Variants in DIP2C observed in about 807,000 individuals in gnomAD.
DIP2C encodes disco-interacting protein 2 homolog C.
DIP2C carries 33 observed loss-of-function variants against 192.4 expected under a neutral mutation model. That is an observed-to-expected ratio of 0.17 (90% CI 0.13 to 0.23). The LOEUF (loss-of-function observed/expected upper bound fraction) is 0.23, where lower values mean the gene tolerates loss of function less well. DIP2C is among the 10% of genes least tolerant of loss of function. The pLI, the probability that DIP2C is intolerant of heterozygous loss-of-function variation, is 1.00. For missense variants in DIP2C, 1,537 were observed against 2,110.1 expected, an observed-to-expected ratio of 0.73 and a Z score of 5.32; for synonymous variants, 979 against 864.1, an observed-to-expected ratio of 1.13 and a Z score of -2.33.
In DIP2C at chr10:362,449, G is replaced by A. The variant is rs746703888; in HGVS notation, c.2794+41C>T. 59 of 1,598,864 alleles carry A rather than the reference G, an allele frequency of 3.7e-5. No homozygotes were observed. The Middle Eastern group carries it at 4.4e-3, about 119-fold the overall frequency. On this transcript the variant is annotated intron_variant, in intron 22 of 36. Transcript: ENST00000280886. ...CTCCCAGTGCCGTGCAGCCCCAAGG[G>A]AACTCCCGCACCTCACAAGCTGCCC...
intron 18 of DIP2C, among the ~76,000 whole-genome samples, chr10:367,868 C>T (rs531470230): frequency 1.3e-5 from 2 of 152,258 alleles, no homozygotes; most frequent in African/African-American, 4.8e-5. Flanking sequence ...AGGACACACA[C>T]GGGGTGGGGG....
intron 1 of DIP2C, among the ~76,000 whole-genome samples, chr10:611,948 A>T (rs941467718): frequency 1.3e-5 from 2 of 151,604 alleles, no homozygotes; most frequent in African/African-American, 4.8e-5. Context: ...TAAGCTCTTT[A>T]ATTTCAAGAT....
chr10:442,360 T>C (rs2133275851), intron 3 of DIP2C, among the ~76,000 whole-genome samples: 1 of 151,994 alleles, frequency 6.6e-6, no homozygotes, highest in Middle Eastern at 3.4e-3. Flanking sequence ...TGCGTACTTC[T>C]CTCTCTAACT....
intron 29 of DIP2C, among the ~76,000 whole-genome samples, chr10:336,834 G>A (rs564728373): frequency 2.5e-3 from 382 of 151,992 alleles, no homozygotes; most frequent in Middle Eastern, 0.024. Context: ...AGGCAGCTGT[G>A]TGTGTGTGTG....
intron 5 of DIP2C, 123 bp from the exon 6 acceptor site, chr10:419,322 C>T: frequency 7.1e-7 from 1 of 1,404,674 alleles, no homozygotes; most frequent in Non-Finnish European, 9.8e-7. Context: ...CATGGAAAGC[C>T]AGAGCCGATC....
intron 1 of DIP2C, among the ~76,000 whole-genome samples, chr10:574,137 C>T (rs1042129337): frequency 6.6e-5 from 10 of 152,208 alleles, no homozygotes; most frequent in African/African-American, 2.4e-4. Context: ...GACTACACGG[C>T]CAGTAAGTTT....
intron 1 of DIP2C, among the ~76,000 whole-genome samples, chr10:614,397 A>T (rs1245589235): frequency 6.6e-6 from 1 of 152,210 alleles, no homozygotes; most frequent in Non-Finnish European, 1.5e-5. Context: ...ACAGTACCCA[A>T]GTCTAACAGT....
rs562799055 is a variant in DIP2C, at chr10:686,439, C to T, written c.85+3055G>A. On this transcript the variant is annotated intron_variant, in intron 1 of 36. Transcript: ENST00000280886. ...CACCTGCACAGCCTCCGCACCCACACAGCCTCCCCACCCGCACAACCTCCC... is the reference window on the plus strand; with the variant it reads ...CACCTGCACAGCCTCCGCACCCACATAGCCTCCCCACCCGCACAACCTCCC... Among the ~76,000 whole-genome samples, 4 of 151,852 alleles carry T rather than the reference C, an allele frequency of 2.6e-5. No homozygotes were observed. The East Asian group carries it at 7.8e-4, about 29-fold the overall frequency.
At chr10:462,652 G>A (rs1019619431) in intron 3 of DIP2C, among the ~76,000 whole-genome samples, 4 of 152,094 alleles carry the variant, frequency 2.6e-5, no homozygotes, top group African/African-American at 9.7e-5. Flanking sequence ...AGAAAAGAGG[G>A]GCTCCTCCCT....
chr10:585,058 C>A (rs571878343), intron 1 of DIP2C, among the ~76,000 whole-genome samples: 1 of 151,928 alleles, frequency 6.6e-6, no homozygotes, highest in Non-Finnish European at 1.5e-5. Flanking sequence ...TCAGGGCCCA[C>A]GACCTGGCCC....
At chr10:404,476 T>C (rs905575416) in intron 9 of DIP2C, among the ~76,000 whole-genome samples, 1 of 152,230 alleles carries the variant, frequency 6.6e-6, no homozygotes, top group African/African-American at 2.4e-5. Flanking sequence ...CTCGAAGTGC[T>C]GGGATTCCAG....
chr10:444,034 C>G (rs957204271), intron 3 of DIP2C, among the ~76,000 whole-genome samples: 2 of 152,202 alleles, frequency 1.3e-5, no homozygotes, highest in Non-Finnish European at 2.9e-5. Context: ...TCAATCCTGG[C>G]CCTCGTGAGA....
intron 3 of DIP2C, among the ~76,000 whole-genome samples, chr10:451,914 G>A (rs961049992): frequency 2.7e-5 from 4 of 148,144 alleles, no homozygotes; most frequent in African/African-American, 1.1e-4. Context: ...ACACAAGTCT[G>A]CTACATTTGG....
At chr10:578,540 G>A (rs1009918515) in intron 1 of DIP2C, among the ~76,000 whole-genome samples, 4 of 152,274 alleles carry the variant, frequency 2.6e-5, no homozygotes, top group South Asian at 4.2e-4. Context: ...GGAAGTGATT[G>A]GTTCCTAAAT....
chr10:586,545 G>A (rs904065563), intron 1 of DIP2C, among the ~76,000 whole-genome samples: 5 of 152,200 alleles, frequency 3.3e-5, no homozygotes, highest in Non-Finnish European at 7.3e-5. Context: ...TCCTCCGGGA[G>A]GCTGTGCTCG....
rs367588702 is a variant in DIP2C at position 584,874 on chromosome 10, C to A, written c.86-98344G>T. ...GATAATCTCGGGGCCCACAACCTGA[C>A]CCCCACTCATGCGCATCACCTCTCA... On this transcript the variant is annotated intron_variant, in intron 1 of 36. Coordinates refer to ENST00000280886, the MANE Select transcript of DIP2C (RefSeq NM_014974.3). Among the ~76,000 whole-genome samples the A allele has an allele frequency of 1.1e-4, 15 of 140,126 alleles. No homozygotes were observed. The East Asian group carries it at 3.1e-3, about 29-fold the overall frequency. The allele number at this position is 140,126 out of a possible 152,430, so 91.9% of individuals were successfully genotyped here. A position where few individuals can be genotyped will look rare whatever the true frequency, so the allele number is the denominator to read the frequency against.
intron 1 of DIP2C, among the ~76,000 whole-genome samples, chr10:576,938 G>A (rs77379583): frequency 0.03 from 4,597 of 152,028 alleles, 229 homozygotes; most frequent in African/African-American, 0.1. Flanking sequence ...AAATAAGAGG[G>A]CAAGATGAAA....
intron 17 of DIP2C, among the ~76,000 whole-genome samples, chr10:376,892 C>A (rs916340967): frequency 2.0e-5 from 3 of 152,142 alleles, no homozygotes; most frequent in African/African-American, 7.2e-5. Flanking sequence ...GTGCATGTAC[C>A]TTTTTCGATG....
intron 1 of DIP2C, among the ~76,000 whole-genome samples, chr10:534,725 G>C (rs1022027062): frequency 6.7e-6 from 1 of 150,038 alleles, no homozygotes; most frequent in South Asian, 2.1e-4. Context: ...GCCGGACTGC[G>C]GACTGCAGTG....
Sources: allele counts gnomAD v4.1 joint callset (sites outside exome capture counted in the v4.1 genomes callset), GRCh38; gene constraint gnomAD v4.1.1; transcripts MANE v1.5; gene names NCBI Gene and HGNC (gene_info 2026-07-23, HGNC 2026-07-21).